The following KMT2C variants were observed in gnomAD, a reference collection of about 807,000 sequenced individuals.
The protein encoded by KMT2C is histone-lysine N-methyltransferase 2C.
Under a neutral mutation model 507.9 loss-of-function variants are expected in KMT2C, and 88 were observed. That is an observed-to-expected ratio of 0.17 (90% CI 0.15 to 0.21). The LOEUF (loss-of-function observed/expected upper bound fraction) is 0.21, where lower values mean the gene tolerates loss of function less well. KMT2C is among the 10% of genes least tolerant of loss of function. KMT2C has a pLI of 1.00. For synonymous variants in KMT2C, 2,049 were observed against 2,080.8 expected (o/e 0.98, Z 0.42); for missense variants, 4,954 against 5,957.8 (o/e 0.83, Z 5.55).
At chr7:152,334,277 A>T (rs2096912564) in intron 2 of KMT2C, among the ~76,000 whole-genome samples, 2 of 152,078 alleles carry the variant, frequency 1.3e-5, no homozygotes, top group African/African-American at 4.8e-5. Context: ...ACATGGAGAA[A>T]CCCCATCTCT....
At chr7:152,409,561 TACAAAAA>T (rs1451218960) in intron 1 of KMT2C, among the ~76,000 whole-genome samples, 1 of 80,042 alleles carries the variant, frequency 1.2e-5, no homozygotes, top group Non-Finnish European at 2.4e-5. Context: ...CTGCTAAAAA[TACAAAAA>T]AAAAAAAAAA....
rs1255692879 is a variant in KMT2C at position 152,177,389 on chromosome 7, T to C, written c.8064A>G (p.Lys2688=). Residue 2688 remains lysine, a synonymous_variant, in exon 38 of 59, where the codon AAA becomes AAG. Coordinates refer to ENST00000262189, the MANE Select transcript of KMT2C (RefSeq NM_170606.3). ...TCACAGAAGGGTCATCAGAATCAAG[T>C]TTTTCCTCTAGACCATCAGAAGGCT... ...TTQPSDGLEE[K]LDSDDPSVKE... The C allele has an allele frequency of 3.7e-6, 6 of 1,614,092 alleles. No individual in the cohort carries two copies. Among genetic ancestry groups the C allele is most frequent in the Non-Finnish European group, 5.1e-6 (6 of 1,180,036 alleles).
intron 1 of KMT2C, among the ~76,000 whole-genome samples, chr7:152,391,029 C>T (rs1452638354): frequency 1.4e-5 from 2 of 147,882 alleles, no homozygotes; most frequent in Non-Finnish European, 3.0e-5. Flanking sequence ...CCTGTAATCC[C>T]AGCTACTTGG....
At chr7:152,198,223 G>A (rs1046946600) in intron 27 of KMT2C, among the ~76,000 whole-genome samples, 2 of 152,192 alleles carry the variant, frequency 1.3e-5, no homozygotes, top group African/African-American at 4.8e-5. Flanking sequence ...CAAGAAGCAT[G>A]ACCTCACTAC....
intron 13 of KMT2C, among the ~76,000 whole-genome samples, 157 bp from the exon 14 acceptor site, chr7:152,248,777 G>T (rs2095517221): frequency 6.6e-6 from 1 of 152,126 alleles, no homozygotes; most frequent in Non-Finnish European, 1.5e-5. Flanking sequence ...AGTACACAAG[G>T]ATTTATGGAT....
chr7:152,361,660 A>C (rs980286425), intron 1 of KMT2C, among the ~76,000 whole-genome samples: 59 of 152,312 alleles, frequency 3.9e-4, no homozygotes, highest in African/African-American at 1.2e-3. Flanking sequence ...TCAATCCAAC[A>C]GCAGGCAGAA....
intron 1 of KMT2C, chr7:152,368,138 A>G (rs878993988): frequency 5.3e-6 from 5 of 935,194 alleles, no homozygotes; most frequent in South Asian, 2.6e-5. Flanking sequence ...AAAAGGGTCA[A>G]AGGAAGGCAG....
chr7:152,383,176 C>T (rs1163929891), intron 1 of KMT2C, among the ~76,000 whole-genome samples: 2 of 150,684 alleles, frequency 1.3e-5, no homozygotes, highest in African/African-American at 2.4e-5. Context: ...ATAAAATATA[C>T]CTCTAAGTCT....
Position 152,194,506 on chromosome 7 carries a change from G to T in KMT2C, c.4441C>A (p.Arg1481=), listed in dbSNP as rs587777073. The T allele has an allele frequency of 6.2e-7, 1 of 1,612,308 alleles. No homozygotes were observed. The highest frequency in any genetic ancestry group is 2.2e-5 in the East Asian group (1 of 44,804). The change falls in exon 29 of 59, where the codon CGA becomes AGA. Residue 1481 remains arginine (R), a synonymous_variant. Transcript: ENST00000262189. ...LPQPNVNQSS[R]PLSEEQLDGI... Reference sequence around the variant, plus strand: ...TCTAGCTGTTCTTCACTTAATGGTCGTGAACTCTGATTGACATTTGGCTGA... The same window carrying T: ...TCTAGCTGTTCTTCACTTAATGGTCTTGAACTCTGATTGACATTTGGCTGA...
chr7:152,347,049 G>A lies in KMT2C; in HGVS notation c.250+11538C>T, dbSNP rs182451021. The stretch of plus-strand genomic sequence containing the variant: ...TGAGGCAGGAGAATCGCTTGAACCC[G>A]GAAGGCAGAGGCTGCAGTGAGCCAA... On this transcript the variant is annotated intron_variant, in intron 2 of 58. Transcript: ENST00000262189. 1.3e-3 allele frequency among the ~76,000 whole-genome samples: 201 copies of A among 152,224 alleles called. 1 individual carries two copies. Among genetic ancestry groups the A allele is most frequent in the South Asian group, 2.3e-3 (11 of 4,822 alleles).
rs751148559 is a variant in KMT2C at position 152,174,134 on chromosome 7, C to T, written c.9371G>A (p.Ser3124Asn). Residue 3124 changes from serine to asparagine, a missense_variant, in exon 39 of 59, where the codon AGC (serine) becomes AAC (asparagine). Around this residue, in one of 29 missense-constraint regions of KMT2C, gnomAD observed 1,689 missense variants for 1,654.3 expected, o/e 1.02. Coordinates refer to ENST00000262189, the MANE Select transcript of KMT2C (RefSeq NM_170606.3). The stretch of plus-strand genomic sequence containing the variant: ...AACAAGCAGCCACTCCACCTACCTG[C>T]TCATCACCATTGGTGGCATGCCCAG... ...NNLGMPPMVM[S>N]RFPFMGQVVT... is the part of the protein sequence containing the mutation. 3 of 1,569,376 alleles carry T rather than the reference C, an allele frequency of 1.9e-6. No homozygotes were observed. Among genetic ancestry groups the T allele is most frequent in the Non-Finnish European group, 1.7e-6 (2 of 1,145,988 alleles).
intron 2 of KMT2C, 78 bp downstream of exon 2, chr7:152,358,509 T>C: frequency 2.2e-6 from 2 of 899,628 alleles, no homozygotes; most frequent in Admixed American, 2.0e-5. Context: ...AGAATATTGT[T>C]ATACAAATGC....
chr7:152,336,515 A>G (rs1225661509), intron 2 of KMT2C, among the ~76,000 whole-genome samples: 1 of 152,162 alleles, frequency 6.6e-6, no homozygotes, highest in Non-Finnish European at 1.5e-5. Flanking sequence ...ATATCTGAGG[A>G]AATATGCCTG....
At chr7:152,362,128 A>G (rs576127267) in intron 1 of KMT2C, among the ~76,000 whole-genome samples, 1 of 152,360 alleles carries the variant, frequency 6.6e-6, no homozygotes, top group East Asian at 1.9e-4. Context: ...AAAGCAAAGA[A>G]AAAGGGACTA....
intron 2 of KMT2C, among the ~76,000 whole-genome samples, chr7:152,336,522 C>T (rs1283752295): frequency 6.6e-6 from 1 of 152,080 alleles, no homozygotes; most frequent in Non-Finnish European, 1.5e-5. Context: ...AGGAAATATG[C>T]CTGATGCCAG....
chr7:152,149,767 T>A (rs1366597523), intron 51 of KMT2C, among the ~76,000 whole-genome samples: 1 of 152,208 alleles, frequency 6.6e-6, no homozygotes, highest in African/African-American at 2.4e-5. Flanking sequence ...AATAGCTTAT[T>A]TACTTTATGG....
rs1237084951 is a variant in KMT2C, at chr7:152,176,216, T to C, written c.9237A>G (p.Arg3079=). 1 of 1,610,536 alleles carries C rather than the reference T, an allele frequency of 6.2e-7. No individual in the cohort carries two copies. Among genetic ancestry groups the C allele is most frequent in the Non-Finnish European group, 8.5e-7 (1 of 1,178,128 alleles). ...QRQMQAMIRQ[R]SEPFFPNIDF... Reference sequence around the variant, plus strand: ...CAATATTAGGGAAGAACGGTTCTGATCGCTGACGAATCATGGCTTGCATCT... The same window carrying C: ...CAATATTAGGGAAGAACGGTTCTGACCGCTGACGAATCATGGCTTGCATCT... The change falls in exon 38 of 59, where the codon CGA becomes CGG. Residue 3079 remains arginine, a synonymous_variant. Coordinates refer to ENST00000262189, the MANE Select transcript of KMT2C (RefSeq NM_170606.3).
intron 1 of KMT2C, among the ~76,000 whole-genome samples, chr7:152,394,086 T>C (rs1361472936): frequency 1.3e-5 from 2 of 152,224 alleles, no homozygotes; most frequent in African/African-American, 4.8e-5. Context: ...CCTCAACATA[T>C]GCAGAATTAC....
intron 52 of KMT2C, among the ~76,000 whole-genome samples, chr7:152,147,434 A>G (rs2091216080): frequency 2.0e-5 from 3 of 152,158 alleles, no homozygotes. Context: ...CTGTAATCCC[A>G]GCACTTTGGG....
Sources: gnomAD v4.1 joint callset for allele counts (sites outside exome capture counted in the v4.1 genomes callset) on GRCh38, gnomAD v4.1.1 for gene constraint, gnomAD v4.1.1 regional missense constraint, MANE v1.5 for transcripts, NCBI Gene and HGNC (gene_info 2026-07-23, HGNC 2026-07-21) for gene names.